RAPGEF1: variants seen among roughly 807,000 people sequenced by gnomAD.
RAPGEF1 encodes Rap guanine nucleotide exchange factor 1, also known as CRK SH3-binding GNRP.
RAPGEF1 carries 33 observed loss-of-function variants against 143.3 expected under a neutral mutation model. The ratio of observed to expected loss-of-function variants is 0.23; its 90% CI spans 0.17 to 0.31. RAPGEF1 has a LOEUF of 0.31. RAPGEF1 is among the 10% of genes least tolerant of loss of function. RAPGEF1 has a pLI of 1.00. For missense variants in RAPGEF1, 1,199 were observed against 1,645.4 expected (o/e 0.73, Z 4.69); for synonymous variants, 629 against 676.5 (o/e 0.93, Z 1.09).
At position 131,739,763 on chromosome 9, in the gene RAPGEF1, G is replaced by A; in HGVS notation, c.61+7C>T. ...CCGGAGGGAGCCGCCCCACGCCCGC[G>A]CCTCACCTGCTTTCTCGATCTTGCC... On this transcript the variant is annotated splice_region_variant and intron_variant, in intron 1 of 26. Transcript: ENST00000683357. The A allele has an allele frequency of 8.6e-7, 1 of 1,164,486 alleles. No homozygotes were observed. Among genetic ancestry groups the A allele is most frequent in the Admixed American group, 3.5e-5 (1 of 28,872 alleles). 72.1% of individuals were successfully genotyped at this position (1,164,486 alleles called of 1,614,324 possible).
chr9:131,632,165 G>C (rs997251280), intron 5 of RAPGEF1, among the ~76,000 whole-genome samples: 39 of 151,036 alleles, frequency 2.6e-4, no homozygotes, highest in African/African-American at 8.5e-4. Context: ...GTCTCGCTCT[G>C]TCGCCCAGGC....
intron 12 of RAPGEF1, among the ~76,000 whole-genome samples, chr9:131,606,980 G>A (rs1027297701): frequency 6.6e-6 from 1 of 152,096 alleles, no homozygotes; most frequent in African/African-American, 2.4e-5. Flanking sequence ...ACCGTAACTC[G>A]AGGGACAACG....
At chr9:131,739,443 C>A (rs1430261789) in intron 1 of RAPGEF1, among the ~76,000 whole-genome samples, 2 of 152,138 alleles carry the variant, frequency 1.3e-5, no homozygotes, top group Non-Finnish European at 2.9e-5. Context: ...AGCACGCGGC[C>A]CGGGCTGTTC....
intron 5 of RAPGEF1, among the ~76,000 whole-genome samples, chr9:131,635,744 G>C (rs906146242): frequency 2.6e-5 from 4 of 152,062 alleles, no homozygotes; most frequent in Non-Finnish European, 4.4e-5. Context: ...AGCCGGGGAG[G>C]GGGCAGCAGG....
At chr9:131,634,880 T>A (rs1156855219) in intron 5 of RAPGEF1, among the ~76,000 whole-genome samples, 1 of 152,088 alleles carries the variant, frequency 6.6e-6, no homozygotes, top group Non-Finnish European at 1.5e-5. Flanking sequence ...TGCTGGGATA[T>A]CTCTTTGGCC....
At chr9:131,603,881 G>T (rs530322637) in intron 14 of RAPGEF1, 80 bp downstream of exon 14, 6 of 699,448 alleles carry the variant, frequency 8.6e-6, no homozygotes, top group Non-Finnish European at 2.0e-6. Flanking sequence ...AAGCAGGTGC[G>T]GGGGAAGCGG....
rs142592845 is a variant in RAPGEF1 at position 131,736,748 on chromosome 9, G to A, written c.61+3022C>T. Among the ~76,000 whole-genome samples the A allele has an allele frequency of 5.4e-3, 827 of 152,262 alleles. 7 individuals carry two copies. Among genetic ancestry groups the A allele is most frequent in the African/African-American group, 0.018 (729 of 41,542 alleles). Reference sequence around the variant, plus strand: ...GCCTTAAGCACTGAGAACTAAAAACGCTGGTTCTTCTACTTTCAGGGAGAG... The same window carrying A: ...GCCTTAAGCACTGAGAACTAAAAACACTGGTTCTTCTACTTTCAGGGAGAG... On this transcript the variant is annotated intron_variant, in intron 1 of 26. Transcript: ENST00000683357.
intron 1 of RAPGEF1, among the ~76,000 whole-genome samples, chr9:131,671,165 C>T (rs191045389): frequency 7.9e-5 from 12 of 152,328 alleles, no homozygotes; most frequent in Admixed American, 4.6e-4. Context: ...AAATAGTGAT[C>T]GTTTTTCAAG....
intron 26 of RAPGEF1, among the ~76,000 whole-genome samples, chr9:131,580,020 T>C (rs978585032): frequency 6.6e-6 from 1 of 152,136 alleles, no homozygotes; most frequent in Non-Finnish European, 1.5e-5. Context: ...GTGTGTAAAA[T>C]GGGAGGACGA....
chr9:131,645,189 T>C (rs1433237541), intron 3 of RAPGEF1, among the ~76,000 whole-genome samples: 2 of 152,318 alleles, frequency 1.3e-5, no homozygotes, highest in South Asian at 4.1e-4. Flanking sequence ...GGGAGGAACC[T>C]GAGTGTGAAG....
At chr9:131,622,063 C>A (rs7023385) in intron 10 of RAPGEF1, 65 bp from the exon 11 acceptor site, 629,777 of 1,464,850 alleles carry the variant, frequency 0.43, 137,219 homozygotes, top group East Asian at 0.53. Context: ...CCCCTCCCCC[C>A]ATTCTTCCCA....
chr9:131,731,218 C>T (rs561093948), intron 1 of RAPGEF1, among the ~76,000 whole-genome samples: 1 of 152,138 alleles, frequency 6.6e-6, no homozygotes, highest in Non-Finnish European at 1.5e-5. Flanking sequence ...AATGCAACCA[C>T]AAGTGTAAAA....
rs1951266611 is a variant in RAPGEF1 at position 131,576,790 on chromosome 9, C to A, written c.*2707G>T. On this transcript the variant is annotated 3_prime_UTR_variant, in exon 27 of 27. Transcript: ENST00000683357. ...GGACATGGCATTGGGCAGCTTTCATCTGTGTTTATTTTTTTTCATATAAAA... is the reference window on the plus strand; with the variant it reads ...GGACATGGCATTGGGCAGCTTTCATATGTGTTTATTTTTTTTCATATAAAA... 1 of 152,192 alleles carries A rather than the reference C, an allele frequency of 6.6e-6. No individual in the cohort carries two copies. The highest frequency in any genetic ancestry group is 1.5e-5 in the Non-Finnish European group (1 of 68,042). The allele number at this position is 152,192 out of a possible 1,614,324, so 9.4% of individuals were successfully genotyped here.
intron 1 of RAPGEF1, among the ~76,000 whole-genome samples, chr9:131,721,055 T>C (rs777850760): frequency 6.6e-6 from 1 of 152,146 alleles, no homozygotes; most frequent in Non-Finnish European, 1.5e-5. Context: ...AAGTAGCAGA[T>C]GCCCATGGGA....
chr9:131,613,398 G>A (rs974567065), intron 12 of RAPGEF1, among the ~76,000 whole-genome samples: 1 of 152,182 alleles, frequency 6.6e-6, no homozygotes, highest in Non-Finnish European at 1.5e-5. Context: ...AGGGAAGCTG[G>A]CCCTGGTTCT....
At chr9:131,695,338 C>G (rs903865470) in intron 1 of RAPGEF1, among the ~76,000 whole-genome samples, 2 of 152,170 alleles carry the variant, frequency 1.3e-5, no homozygotes, top group African/African-American at 2.4e-5. Flanking sequence ...AACCAATTGA[C>G]CCGGCTTGTC....
intron 1 of RAPGEF1, among the ~76,000 whole-genome samples, chr9:131,732,835 C>T (rs1210869742): frequency 1.3e-5 from 2 of 152,162 alleles, no homozygotes; most frequent in Non-Finnish European, 2.9e-5. Flanking sequence ...TTCAAGGCAC[C>T]GTAATGGCAC....
chr9:131,625,804 C>T (rs1962828455), intron 10 of RAPGEF1, 118 bp downstream of exon 10: 1 of 1,376,798 alleles, frequency 7.3e-7, no homozygotes, highest in Non-Finnish European at 9.8e-7. Flanking sequence ...CCTGGCTGGC[C>T]TATCTTTTAT....
chr9:131,596,911 G>A (rs931453249), intron 16 of RAPGEF1, among the ~76,000 whole-genome samples: 3 of 152,172 alleles, frequency 2.0e-5, no homozygotes, highest in African/African-American at 7.2e-5. Flanking sequence ...CTTCTGTGGG[G>A]CCCTTCCTTA....
Sources: gnomAD v4.1 joint callset for allele counts (sites outside exome capture counted in the v4.1 genomes callset) on GRCh38, gnomAD v4.1.1 for gene constraint, MANE v1.5 for transcripts, NCBI Gene and HGNC (gene_info 2026-07-23, HGNC 2026-07-21) for gene names.